The following GABRR2 variants were observed in gnomAD, a reference collection of about 807,000 sequenced individuals.
The protein encoded by GABRR2 is gamma-aminobutyric acid receptor subunit rho-2.
GABRR2 carries 36 observed loss-of-function variants against 47.0 expected under a neutral mutation model. The ratio of observed to expected loss-of-function variants is 0.77; its 90% CI spans 0.59 to 1.01. The LOEUF is 1.01. GABRR2 is among the 50% of genes least tolerant of loss of function. The probability of loss-of-function intolerance (pLI) is 0.00; values close to 1 mark genes in which losing one functional copy is unlikely to be tolerated. For synonymous variants in GABRR2, 204 were observed against 227.5 expected (o/e 0.90, Z 0.93); for missense variants, 587 against 594.6 (o/e 0.99, Z 0.13).
intron 1 of GABRR2, chr6:89,302,177 C>CA: frequency 3.5e-6 from 2 of 566,094 alleles, no homozygotes; most frequent in South Asian, 3.2e-5. Context: ...GTAGGGTTTC[C>CA]AGCTGACCCT....
intron 1 of GABRR2, among the ~76,000 whole-genome samples, chr6:89,306,616 A>C (rs538762322): frequency 6.6e-6 from 1 of 152,342 alleles, no homozygotes; most frequent in African/African-American, 2.4e-5. Context: ...CCCAGGACAC[A>C]GCCCTGGTCA....
chr6:89,257,947 G>T lies in GABRR2; in HGVS notation c.1121C>A (p.Thr374Asn). 6.2e-7 allele frequency: 1 copy of T among 1,613,858 alleles called. No homozygotes were observed. Among genetic ancestry groups the T allele is most frequent in the Non-Finnish European group, 8.5e-7 (1 of 1,179,848 alleles). ...PCMCGMLHSK[T>N]MMLDGSYSES... is the part of the protein sequence containing the mutation. ...ACTGTAGCTTCCATCCAGCATCATG[G>T]TTTTTGAATGAAGCATTCCACACAT... Residue 374 changes from threonine to asparagine, a missense_variant, in exon 9 of 9, where the codon ACC becomes AAC. Coordinates refer to ENST00000402938, the MANE Select transcript of GABRR2 (RefSeq NM_002043.5).
In GABRR2 at chr6:89,267,787, A is replaced by T; in HGVS notation, c.628T>A (p.Trp210Arg). ...AYTDEDLMLYWKNGDESLKTD... is the reference protein window; with the variant it reads ...AYTDEDLMLYRKNGDESLKTD... ...TTTAGGGATTCATCCCCATTCTTCC[A>T]GTACAGCATTAGATCTTCATCTGTA... The change falls in exon 6 of 9, where the codon TGG (tryptophan) becomes AGG (arginine). Residue 210 changes from tryptophan (W) to arginine (R), a missense_variant. Trp to Arg is a moderately radical substitution (Grantham distance 101, BLOSUM62 -3). Coordinates refer to ENST00000402938, the MANE Select transcript of GABRR2 (RefSeq NM_002043.5). The T allele has an allele frequency of 6.2e-7, 1 of 1,613,804 alleles. No individual in the cohort carries two copies. The highest frequency in any genetic ancestry group is 8.5e-7 in the Non-Finnish European group (1 of 1,179,812).
intron 1 of GABRR2, among the ~76,000 whole-genome samples, chr6:89,308,772 G>T (rs1767619429): frequency 6.6e-6 from 1 of 152,098 alleles, no homozygotes; most frequent in African/African-American, 2.4e-5. Context: ...CCACACCCTG[G>T]TCACACAGTT....
intron 2 of GABRR2, among the ~76,000 whole-genome samples, chr6:89,277,821 A>T (rs1774190228): frequency 8.4e-6 from 1 of 119,524 alleles, no homozygotes; most frequent in Non-Finnish European, 1.6e-5. Context: ...GTTGGCAAGG[A>T]TATGGGGCAA....
intron 2 of GABRR2, among the ~76,000 whole-genome samples, chr6:89,298,776 C>T (rs1485080945): frequency 6.6e-6 from 1 of 152,144 alleles, no homozygotes; most frequent in African/African-American, 2.4e-5. Context: ...GTGTATGTTG[C>T]AATCCTAACC....
chr6:89,265,298 T>G (rs535232144), intron 7 of GABRR2, among the ~76,000 whole-genome samples: 1 of 152,270 alleles, frequency 6.6e-6, no homozygotes, highest in South Asian at 2.1e-4. Flanking sequence ...ACAGAAGGAA[T>G]TGTTGGCATT....
At chr6:89,310,742 G>C (rs1015839744) in intron 1 of GABRR2, among the ~76,000 whole-genome samples, 1 of 151,916 alleles carries the variant, frequency 6.6e-6, no homozygotes, top group Non-Finnish European at 1.5e-5. Context: ...GAAGCGGGAG[G>C]GGGTGGGGGG....
intron 8 of GABRR2, among the ~76,000 whole-genome samples, chr6:89,263,765 C>T (rs1175907046): frequency 6.6e-6 from 1 of 152,182 alleles, no homozygotes; most frequent in African/African-American, 2.4e-5. Flanking sequence ...TCAGGTGATC[C>T]GCCCACCTCG....
chr6:89,295,947 GTAT>G (rs1331091001), intron 2 of GABRR2, among the ~76,000 whole-genome samples: 1 of 152,064 alleles, frequency 6.6e-6, no homozygotes, highest in Non-Finnish European at 1.5e-5. Flanking sequence ...TAGATGTGTG[GTAT>G]TATTTCTGTG....
intron 3 of GABRR2, among the ~76,000 whole-genome samples, chr6:89,269,892 G>A (rs1774009400): frequency 6.6e-6 from 1 of 152,166 alleles, no homozygotes. Context: ...TGCCTGCATG[G>A]TTGATTCCTT....
intron 2 of GABRR2, among the ~76,000 whole-genome samples, chr6:89,275,649 G>A (rs1052490711): frequency 3.3e-5 from 5 of 152,234 alleles, no homozygotes; most frequent in South Asian, 2.1e-4. Flanking sequence ...AGAGTCCCAA[G>A]GGGATGGCCC....
chr6:89,286,734 G>A (rs975940059), intron 2 of GABRR2, among the ~76,000 whole-genome samples: 2 of 152,098 alleles, frequency 1.3e-5, no homozygotes, highest in Admixed American at 1.3e-4. Context: ...AGGGTGGGTG[G>A]CTGCAGAGGA....
At chr6:89,307,888 C>T (rs1767597941) in intron 1 of GABRR2, among the ~76,000 whole-genome samples, 1 of 144,568 alleles carries the variant, frequency 6.9e-6, no homozygotes, top group Non-Finnish European at 1.5e-5. Flanking sequence ...GAGATCTTGG[C>T]TCACTGCAAC....
At chr6:89,284,131 G>A (rs1454769490) in intron 2 of GABRR2, among the ~76,000 whole-genome samples, 1 of 152,142 alleles carries the variant, frequency 6.6e-6, no homozygotes, top group Non-Finnish European at 1.5e-5. Context: ...CTAGTCCATG[G>A]AGACAGAGGT....
intron 2 of GABRR2, among the ~76,000 whole-genome samples, chr6:89,287,833 C>G (rs1487727447): frequency 1.3e-5 from 2 of 152,230 alleles, no homozygotes. Context: ...CTGAGCACTT[C>G]CTATATGCCA....
chr6:89,263,529 T>C (rs536609740), intron 8 of GABRR2, among the ~76,000 whole-genome samples: 8 of 152,306 alleles, frequency 5.3e-5, no homozygotes, highest in Non-Finnish European at 8.8e-5. Flanking sequence ...ATTTTTATTT[T>C]ATTTTATTTT....
At chr6:89,304,733 A>G (rs1767525779) in intron 1 of GABRR2, among the ~76,000 whole-genome samples, 1 of 152,258 alleles carries the variant, frequency 6.6e-6, no homozygotes, top group African/African-American at 2.4e-5. Flanking sequence ...TCAAAACCAC[A>G]ATGAGATACC....
intron 1 of GABRR2, among the ~76,000 whole-genome samples, chr6:89,311,081 G>A (rs752793512): frequency 1.3e-5 from 2 of 152,134 alleles, no homozygotes; most frequent in African/African-American, 2.4e-5. Context: ...TCTTCCTCAA[G>A]CCTTGCCTCC....
Sources: gnomAD v4.1 joint callset for allele counts (sites outside exome capture counted in the v4.1 genomes callset) on GRCh38, gnomAD v4.1.1 for gene constraint, MANE v1.5 for transcripts, NCBI Gene and HGNC (gene_info 2026-07-23, HGNC 2026-07-21) for gene names.